DPP10: variants seen among roughly 807,000 people sequenced by gnomAD.
DPP10 encodes the protein dipeptidyl peptidase like 10, also known as inactive dipeptidyl peptidase 10.
Under a neutral mutation model 120.9 loss-of-function variants are expected in DPP10, and 33 were observed. That is an observed-to-expected ratio of 0.27 (90% CI 0.21 to 0.37). The LOEUF is 0.37. DPP10 is among the 10% of genes least tolerant of loss of function. The pLI is 1.00. For synonymous variants in DPP10, 337 were observed against 326.1 expected (o/e 1.03, Z -0.36); for missense variants, 816 against 942.8 (o/e 0.87, Z 1.76).
At chr2:115,754,938 T>TA (rs2149759460) in intron 11 of DPP10, among the ~76,000 whole-genome samples, 1 of 152,164 alleles carries the variant, frequency 6.6e-6, no homozygotes, top group African/African-American at 2.4e-5. Context: ...TATGTATCAA[T>TA]AAAAAATTAA....
At chr2:115,432,912 C>T (rs1386682785) in intron 3 of DPP10, among the ~76,000 whole-genome samples, 1 of 151,956 alleles carries the variant, frequency 6.6e-6, no homozygotes, top group African/African-American at 2.4e-5. Flanking sequence ...ATTGAGAAAT[C>T]GTGCAACTAG....
intron 1 of DPP10, among the ~76,000 whole-genome samples, chr2:115,298,486 C>G (rs972727785): frequency 6.6e-6 from 1 of 152,004 alleles, no homozygotes; most frequent in African/African-American, 2.4e-5. Context: ...GGTAGGGGTT[C>G]TCCAATTTGA....
chr2:115,255,057 C>T (rs915167571), intron 1 of DPP10, among the ~76,000 whole-genome samples: 1 of 152,226 alleles, frequency 6.6e-6, no homozygotes, highest in African/African-American at 2.4e-5. Flanking sequence ...TCCAGTCCCA[C>T]ATTTGCCTTC....
At chr2:114,870,016 A>T (rs1690559397) in intron 1 of DPP10, among the ~76,000 whole-genome samples, 1 of 152,186 alleles carries the variant, frequency 6.6e-6, no homozygotes, top group South Asian at 2.1e-4. Context: ...TTATATAAGA[A>T]CATTCAGAAT....
chr2:114,729,912 T>C (rs1030196572), intron 1 of DPP10, among the ~76,000 whole-genome samples: 2 of 152,006 alleles, frequency 1.3e-5, no homozygotes, highest in African/African-American at 4.8e-5. Flanking sequence ...CAGGCAGTAA[T>C]TGATGAAAGC....
At chr2:115,572,862 T>C (rs1472345696) in intron 5 of DPP10, among the ~76,000 whole-genome samples, 1 of 152,162 alleles carries the variant, frequency 6.6e-6, no homozygotes, top group Admixed American at 6.5e-5. Flanking sequence ...ATACCTGACT[T>C]TTGTAAGCCA....
chr2:115,684,741 C>T (rs1228127153), intron 5 of DPP10, among the ~76,000 whole-genome samples: 1 of 151,802 alleles, frequency 6.6e-6, no homozygotes, highest in African/African-American at 2.4e-5. Context: ...TGACACGAAT[C>T]CCCATAGGTG....
chr2:114,879,700 G>GA (rs920489552), intron 1 of DPP10, among the ~76,000 whole-genome samples: 29 of 151,362 alleles, frequency 1.9e-4, no homozygotes, highest in Admixed American at 1.9e-3. Context: ...AAAATTGAAA[G>GA]AAAAAAAACA....
At chr2:114,928,238 T>C (rs1225140394) in intron 1 of DPP10, among the ~76,000 whole-genome samples, 10 of 152,228 alleles carry the variant, frequency 6.6e-5, no homozygotes, top group Admixed American at 6.5e-4. Flanking sequence ...AAGTCTCACC[T>C]GAGACTCAAG....
chr2:114,525,419 T>G (rs939798018), intron 1 of DPP10, among the ~76,000 whole-genome samples: 4 of 152,176 alleles, frequency 2.6e-5, no homozygotes, highest in African/African-American at 9.7e-5. Flanking sequence ...AAGGAACACA[T>G]GTGTTAAAAG....
At chr2:114,953,351 T>A (rs2104658091) in intron 1 of DPP10, among the ~76,000 whole-genome samples, 1 of 152,282 alleles carries the variant, frequency 6.6e-6, no homozygotes, top group Non-Finnish European at 1.5e-5. Flanking sequence ...TGGGAACAAC[T>A]TCAAATGTCC....
chr2:114,801,935 C>G (rs1684289814), intron 1 of DPP10, among the ~76,000 whole-genome samples: 1 of 150,914 alleles, frequency 6.6e-6, no homozygotes, highest in South Asian at 2.1e-4. Flanking sequence ...CTTATCAGTT[C>G]CCAAATTTCT....
At chr2:115,434,100 A>C (rs1314444196) in intron 3 of DPP10, among the ~76,000 whole-genome samples, 1 of 152,004 alleles carries the variant, frequency 6.6e-6, no homozygotes, top group Non-Finnish European at 1.5e-5. Flanking sequence ...ATCAATTACT[A>C]TACATATATG....
chr2:115,649,654 T>C (rs972974974), intron 5 of DPP10, among the ~76,000 whole-genome samples: 2 of 152,124 alleles, frequency 1.3e-5, no homozygotes, highest in Non-Finnish European at 2.9e-5. Flanking sequence ...CAATCAAATA[T>C]TGCATTCTAT....
chr2:114,784,801 G>A (rs1163485395), intron 1 of DPP10, among the ~76,000 whole-genome samples: 1 of 150,798 alleles, frequency 6.6e-6, no homozygotes, highest in Admixed American at 6.6e-5. Flanking sequence ...GAAAATTGCA[G>A]AAAGCAGTGT....
intron 1 of DPP10, among the ~76,000 whole-genome samples, chr2:114,875,755 A>T (rs998634612): frequency 2.6e-5 from 4 of 152,290 alleles, no homozygotes; most frequent in African/African-American, 9.6e-5. Context: ...ACATACTTCT[A>T]TGTCACATGC....
intron 1 of DPP10, among the ~76,000 whole-genome samples, chr2:114,878,868 T>C (rs1404655471): frequency 2.0e-5 from 3 of 152,168 alleles, no homozygotes; most frequent in Non-Finnish European, 4.4e-5. Flanking sequence ...ATATCTTGGC[T>C]ATTGTAAGTA....
rs569135464 is a variant in DPP10 at position 115,041,860 on chromosome 2, G to A, written c.61-267379G>A. Among the ~76,000 whole-genome samples, 8 of 152,196 alleles carry A rather than the reference G, an allele frequency of 5.3e-5. No individual in the cohort carries two copies. In the East Asian group the frequency reaches 7.7e-4, roughly 15 times the overall value. On this transcript the variant is annotated intron_variant, in intron 1 of 25. Coordinates refer to ENST00000410059, the MANE Select transcript of DPP10 (RefSeq NM_020868.6). ...AGAAAGCATATTACAGAAATAGGTG[G>A]TGCCCTTTGTAACACAACAAAAATG...
chr2:115,670,854 T>C (rs528928040), intron 5 of DPP10, among the ~76,000 whole-genome samples: 13 of 152,266 alleles, frequency 8.5e-5, no homozygotes, highest in African/African-American at 2.9e-4. Flanking sequence ...TCCCTCTGAC[T>C]TCAAAATTTT....
Sources: allele counts gnomAD v4.1 joint callset (sites outside exome capture counted in the v4.1 genomes callset), GRCh38; gene constraint gnomAD v4.1.1; transcripts MANE v1.5; gene names NCBI Gene and HGNC (gene_info 2026-07-23, HGNC 2026-07-21).